Variants in ENTREP1 observed in about 807,000 individuals in gnomAD.
ENTREP1 encodes the protein Friedreich ataxia region gene X123.
the ENTREP1 span, among the ~76,000 whole-genome samples, chr9:69,340,321 C>T: frequency 6.6e-6 from 1 of 152,124 alleles, no homozygotes; most frequent in Non-Finnish European, 1.5e-5. Flanking sequence ...CTTTTGAGAA[C>T]CATTTACATT....
chr9:69,385,837 C>A, the ENTREP1 span: 4 of 1,604,008 alleles, frequency 2.5e-6, no homozygotes, highest in Non-Finnish European at 3.4e-6. Context: ...AATGCATCCA[C>A]CTCAACTCCC....
chr9:69,386,068 CT>C, the ENTREP1 span: 1 of 830,474 alleles, frequency 1.2e-6, no homozygotes, highest in Non-Finnish European at 1.7e-6. Context: ...TTTGAAGGAG[CT>C]TATGAGGTCT....
the ENTREP1 span, among the ~76,000 whole-genome samples, chr9:69,359,500 T>C: frequency 6.6e-6 from 1 of 152,114 alleles, no homozygotes; most frequent in East Asian, 1.9e-4. Flanking sequence ...GATCTCATGG[T>C]TTTATAAGGG....
At chr9:69,329,321 A>G in the ENTREP1 span, 2 of 956,002 alleles carry the variant, frequency 2.1e-6, no homozygotes, top group South Asian at 9.7e-5. Flanking sequence ...CAAGAGACAA[A>G]TATATTTATT....
At chr9:69,342,543 G>A in the ENTREP1 span, among the ~76,000 whole-genome samples, 90 of 152,300 alleles carry the variant, frequency 5.9e-4, no homozygotes, top group Non-Finnish European at 9.4e-4. Flanking sequence ...TCACTCAAAA[G>A]AGCCAGAGGC....
the ENTREP1 span, among the ~76,000 whole-genome samples, chr9:69,363,633 G>A: frequency 2.6e-5 from 4 of 152,200 alleles, no homozygotes; most frequent in Admixed American, 6.5e-5. Flanking sequence ...CTGAGAGCCT[G>A]TGTGGCTTTC....
At chr9:69,381,350 G>A in the ENTREP1 span, 4 of 152,334 alleles carry the variant, frequency 2.6e-5, no homozygotes, top group South Asian at 8.3e-4. Context: ...TTTCTGAAAA[G>A]AAGCAAGACC....
At chr9:69,367,842 T>TATATAAATATATACACACAC in the ENTREP1 span, among the ~76,000 whole-genome samples, 2 of 137,302 alleles carry the variant, frequency 1.5e-5, no homozygotes, top group African/African-American at 5.4e-5. Context: ...TATACACATA[T>TATATAAATATATACACACAC]ATATATAAAT....
chr9:69,352,373 CCT>C, the ENTREP1 span, among the ~76,000 whole-genome samples: 2 of 152,146 alleles, frequency 1.3e-5, no homozygotes, highest in African/African-American at 4.8e-5. Flanking sequence ...CCCACCTCAG[CCT>C]CTCAAAATGC....
chr9:69,339,674 G>T, the ENTREP1 span, among the ~76,000 whole-genome samples: 1 of 152,194 alleles, frequency 6.6e-6, no homozygotes, highest in Non-Finnish European at 1.5e-5. Flanking sequence ...CTGTGTTCTT[G>T]CAGGCCTGGG....
chr9:69,344,521 A>G, the ENTREP1 span, among the ~76,000 whole-genome samples: 1 of 152,018 alleles, frequency 6.6e-6, no homozygotes, highest in Non-Finnish European at 1.5e-5. Flanking sequence ...CTGTACCTGC[A>G]ATGTCTGAAT....
the ENTREP1 span, among the ~76,000 whole-genome samples, chr9:69,346,908 T>G: frequency 3.3e-5 from 5 of 152,200 alleles, no homozygotes; most frequent in Non-Finnish European, 7.3e-5. Context: ...CTGTGGCATT[T>G]TGAGTTCCAC....
chr9:69,363,708 C>A, the ENTREP1 span, among the ~76,000 whole-genome samples: 2 of 152,188 alleles, frequency 1.3e-5, no homozygotes, highest in Non-Finnish European at 2.9e-5. Flanking sequence ...CCTCCAGCCT[C>A]ACTCTCTTCC....
chr9:69,330,822 A>G, the ENTREP1 span, among the ~76,000 whole-genome samples: 2 of 152,104 alleles, frequency 1.3e-5, no homozygotes, highest in Non-Finnish European at 2.9e-5. Flanking sequence ...CTTCTTCTTC[A>G]GTGCTGATTT....
the ENTREP1 span, chr9:69,325,403 G>A: frequency 9.3e-5 from 100 of 1,078,136 alleles, no homozygotes; most frequent in African/African-American, 1.6e-3. Context: ...CGCTGCCGCC[G>A]CCGCTCAGGA....
chr9:69,391,749 T>C, the ENTREP1 span: 1 of 1,613,392 alleles, frequency 6.2e-7, no homozygotes, highest in Non-Finnish European at 8.5e-7. Flanking sequence ...CCCCGGCGAG[T>C]GGAGGCTGAG....
the ENTREP1 span, among the ~76,000 whole-genome samples, chr9:69,331,126 A>C: frequency 6.6e-6 from 1 of 152,202 alleles, no homozygotes; most frequent in Non-Finnish European, 1.5e-5. Context: ...TTGCCATTGT[A>C]AGAGCTATAG....
the ENTREP1 span, among the ~76,000 whole-genome samples, chr9:69,340,436 C>T: frequency 0.037 from 5,597 of 152,222 alleles, 306 homozygotes; most frequent in African/African-American, 0.12. Flanking sequence ...CAAGTTTTCA[C>T]GGAAATTCAG....
chr9:69,386,101 G>A, the ENTREP1 span: 4 of 552,074 alleles, frequency 7.2e-6, no homozygotes, highest in African/African-American at 1.9e-5. Flanking sequence ...AATATTCTAC[G>A]TCCATGTTAG....
Sources: allele counts gnomAD v4.1 joint callset (sites outside exome capture counted in the v4.1 genomes callset), GRCh38; gene constraint gnomAD v4.1.1; transcripts MANE v1.5; gene names NCBI Gene and HGNC (gene_info 2026-07-23, HGNC 2026-07-21).